The following NEK11 variants were observed in gnomAD, a reference collection of about 807,000 sequenced individuals.
NEK11 encodes the protein serine/threonine-protein kinase Nek11.
NEK11 carries 72 observed loss-of-function variants against 80.7 expected under a neutral mutation model. That is an observed-to-expected ratio of 0.89 (90% CI 0.74 to 1.08). The LOEUF (loss-of-function observed/expected upper bound fraction) is 1.08. Among genes scored for constraint, NEK11 ranks in the 50% least tolerant of loss-of-function variants. NEK11 has a pLI of 0.00. For missense variants in NEK11, 764 were observed against 763.6 expected (o/e 1.00, Z -0.01); for synonymous variants, 251 against 260.7 (o/e 0.96, Z 0.36).
chr3:131,119,792 C>A (rs993376557), intron 5 of NEK11, among the ~76,000 whole-genome samples: 30 of 152,100 alleles, frequency 2.0e-4, no homozygotes, highest in African/African-American at 6.8e-4. Context: ...AGGATTGCAA[C>A]CCCTGCTTTT....
chr3:131,064,792 CTTA>C (rs2071581236), intron 3 of NEK11, among the ~76,000 whole-genome samples: 1 of 151,892 alleles, frequency 6.6e-6, no homozygotes, highest in African/African-American at 2.4e-5. Context: ...CTTCAAAGAG[CTTA>C]TGGACCAGTC....
intron 17 of NEK11, among the ~76,000 whole-genome samples, chr3:131,345,397 T>A (rs908783060): frequency 6.6e-6 from 1 of 152,194 alleles, no homozygotes; most frequent in Non-Finnish European, 1.5e-5. Context: ...TGAACAGATA[T>A]CTCTCCAAAG....
At chr3:131,316,145 G>GA (rs2109563400) in intron 17 of NEK11, among the ~76,000 whole-genome samples, 1 of 152,010 alleles carries the variant, frequency 6.6e-6, no homozygotes, top group African/African-American at 2.4e-5. Flanking sequence ...TCTGAAAAAG[G>GA]AAAAAAACAT....
chr3:131,324,561 T>C (rs887517190), intron 17 of NEK11, among the ~76,000 whole-genome samples: 2 of 152,232 alleles, frequency 1.3e-5, no homozygotes, highest in Admixed American at 1.3e-4. Context: ...GTGGTGAAAT[T>C]GACTCTTCAA....
intron 14 of NEK11, among the ~76,000 whole-genome samples, chr3:131,215,204 A>G (rs1021317607): frequency 6.8e-6 from 1 of 146,884 alleles, no homozygotes. Flanking sequence ...GTTCTCACTC[A>G]TAGGTGGGAA....
intron 17 of NEK11, among the ~76,000 whole-genome samples, chr3:131,348,594 T>C (rs1393493491): frequency 4.6e-5 from 7 of 151,800 alleles, no homozygotes; most frequent in Non-Finnish European, 2.9e-5. Flanking sequence ...AAACATGTTA[T>C]GGACCAAATG....
chr3:131,168,974 C>T, intron 13 of NEK11, 37 bp downstream of exon 13: 2 of 1,511,882 alleles, frequency 1.3e-6, no homozygotes, highest in Non-Finnish European at 1.8e-6. Context: ...AAAAGTGAGG[C>T]AGGTTTAATG....
rs116132281 is a variant in NEK11, at chr3:131,048,940, C to T, written c.170+19062C>T. On this transcript the variant is annotated intron_variant, in intron 3 of 17. Transcript: ENST00000383366. ...TCTCTTCTGAGCTCTTGCATTGAGA[C>T]GCTGGCACCTGTGTACAGAAGCACT... Among the ~76,000 whole-genome samples the T allele has an allele frequency of 8.4e-3, 1,276 of 152,296 alleles. 22 individuals carry two copies. Among genetic ancestry groups the T allele is most frequent in the African/African-American group, 0.029 (1,209 of 41,554 alleles).
intron 14 of NEK11, among the ~76,000 whole-genome samples, chr3:131,198,987 G>A (rs1459340990): frequency 5.9e-5 from 9 of 152,170 alleles, no homozygotes; most frequent in African/African-American, 1.4e-4. Flanking sequence ...GGCTGGATAC[G>A]TTCCTCACTG....
At chr3:131,227,269 T>C (rs2095227679) in intron 14 of NEK11, among the ~76,000 whole-genome samples, 1 of 152,218 alleles carries the variant, frequency 6.6e-6, no homozygotes, top group South Asian at 2.1e-4. Flanking sequence ...CAGGGAATTC[T>C]ACATCCATTA....
chr3:131,054,880 G>T (rs1337367714), intron 3 of NEK11, among the ~76,000 whole-genome samples: 1 of 152,186 alleles, frequency 6.6e-6, no homozygotes, highest in Non-Finnish European at 1.5e-5. Context: ...TACCTTAGTT[G>T]GTGAAACCAA....
At chr3:131,307,147 C>T (rs1021224788) in intron 17 of NEK11, among the ~76,000 whole-genome samples, 3 of 152,158 alleles carry the variant, frequency 2.0e-5, no homozygotes, top group African/African-American at 7.2e-5. Flanking sequence ...AAGTCCTCCA[C>T]CTTTCTTCGT....
At chr3:131,095,073 T>C (rs2077241501) in intron 4 of NEK11, among the ~76,000 whole-genome samples, 1 of 152,170 alleles carries the variant, frequency 6.6e-6, no homozygotes, top group Admixed American at 6.6e-5. Context: ...CACAGCATTG[T>C]TTATGAAATA....
chr3:131,212,974 A>G (rs977934691), intron 14 of NEK11, among the ~76,000 whole-genome samples: 14 of 152,210 alleles, frequency 9.2e-5, no homozygotes, highest in African/African-American at 3.4e-4. Context: ...TCATCCAATC[A>G]GTTGAAAGCT....
chr3:131,298,901 T>A (rs1357989556), intron 17 of NEK11, among the ~76,000 whole-genome samples: 1 of 151,850 alleles, frequency 6.6e-6, no homozygotes, highest in African/African-American at 2.4e-5. Flanking sequence ...TGTAGTAGTG[T>A]CATAATCCTT....
At chr3:131,316,012 G>A (rs1209966788) in intron 17 of NEK11, among the ~76,000 whole-genome samples, 1 of 151,784 alleles carries the variant, frequency 6.6e-6, no homozygotes, top group East Asian at 1.9e-4. Context: ...ATATTTTTAT[G>A]GCTTTCTATA....
At chr3:131,096,341 G>A (rs937795487) in intron 4 of NEK11, among the ~76,000 whole-genome samples, 10 of 152,054 alleles carry the variant, frequency 6.6e-5, no homozygotes, top group African/African-American at 2.4e-4. Context: ...CCATGTTGCT[G>A]TAGAGGACAT....
intron 14 of NEK11, among the ~76,000 whole-genome samples, chr3:131,181,640 G>A (rs1187765263): frequency 1.3e-5 from 2 of 151,528 alleles, no homozygotes; most frequent in Non-Finnish European, 2.9e-5. Context: ...CAGCTACTTG[G>A]GAGGCTGAGG....
intron 11 of NEK11, among the ~76,000 whole-genome samples, chr3:131,164,540 A>G (rs2092011566): frequency 6.6e-6 from 1 of 152,242 alleles, no homozygotes; most frequent in East Asian, 1.9e-4. Context: ...AAGGAAAATT[A>G]AATCTCTGAT....
Sources: gnomAD v4.1 joint callset for allele counts (sites outside exome capture counted in the v4.1 genomes callset) on GRCh38, gnomAD v4.1.1 for gene constraint, MANE v1.5 for transcripts, NCBI Gene and HGNC (gene_info 2026-07-23, HGNC 2026-07-21) for gene names.